ARHGEF26: variants seen among roughly 807,000 people sequenced by gnomAD.
ARHGEF26 encodes the protein Rho guanine nucleotide exchange factor (GEF) 26.
A neutral mutation model predicts 89.4 loss-of-function variants in ARHGEF26; 59 were observed. The ratio of observed to expected loss-of-function variants is 0.66; its 90% confidence interval spans 0.54 to 0.82. ARHGEF26 has a LOEUF of 0.82. Among genes scored for constraint, ARHGEF26 ranks in the 40% least tolerant of loss-of-function variants. The probability of loss-of-function intolerance (pLI) is 0.00; values close to 1 mark genes in which losing one functional copy is unlikely to be tolerated. For synonymous variants in ARHGEF26, 500 were observed against 428.4 expected (o/e 1.17, Z -2.06); for missense variants, 1,234 against 1,085.6 (o/e 1.14, Z -1.92).
rs1478515523 is a variant in ARHGEF26 at position 154,194,648 on chromosome 3, T to C, written c.1775T>C (p.Ile592Thr). Residue 592 changes from isoleucine (I) to threonine (T), a missense_variant, in exon 9 of 15, where the codon ATC becomes ACC. Ile to Thr is a moderately conservative substitution (Grantham distance 89, BLOSUM62 -1). Transcript: ENST00000465093. ...VTRLPLLMDTICQKTPKDSPK... is the reference protein window; with the variant it reads ...VTRLPLLMDTTCQKTPKDSPK... ...TTCACTTTTATTTCATTACAGACTA[T>C]CTGTCAAAAAACACCTAAGGACTCT... 5.0e-6 allele frequency: 8 copies of C among 1,609,862 alleles called. No individual in the cohort carries two copies. Among genetic ancestry groups the C allele is most frequent in the South Asian group, 2.2e-5 (2 of 90,034 alleles).
rs1559906780 is a variant in ARHGEF26, at chr3:154,217,861, G to GT, written c.1846-6dup. The GT allele has an allele frequency of 4.4e-6, 7 of 1,587,976 alleles. No individual in the cohort carries two copies. In the South Asian group the frequency reaches 8.1e-5, roughly 18 times the overall value. Reference sequence around the variant, plus strand: ...CCTTTAACCCTCGTTACTCTTCTGTGTTCCCAGTTGGTTCGACTATGCAAT... The same window carrying GT: ...CCTTTAACCCTCGTTACTCTTCTGTGTTTCCCAGTTGGTTCGACTATGCAAT... On this transcript the variant is annotated splice_region_variant and splice_polypyrimidine_tract_variant and intron_variant, in intron 9 of 14. Coordinates refer to ENST00000465093, the MANE Select transcript of ARHGEF26 (RefSeq NM_015595.4).
intron 11 of ARHGEF26, among the ~76,000 whole-genome samples, chr3:154,228,436 C>CTTTTTTTTTTTTTTTTTTTTT (rs71744878): frequency 7.1e-6 from 1 of 141,546 alleles, no homozygotes. Context: ...CGCACCTGGC[C>CTTTTTTTTTTTTTTTTTTTTT]TTTTTTTTTT....
Position 154,152,811 on chromosome 3 carries a change from C to T in ARHGEF26, c.1366C>T (p.Leu456Phe). The T allele has an allele frequency of 1.3e-6, 2 of 1,560,660 alleles. No individual in the cohort carries two copies. Among genetic ancestry groups the T allele is most frequent in the Non-Finnish European group, 8.7e-7 (1 of 1,151,400 alleles). The change falls in exon 6 of 15, where the codon CTC becomes TTC. Residue 456 changes from leucine (L) to phenylalanine (F), a missense_variant. Leu to Phe is a conservative substitution (Grantham distance 22). Transcript: ENST00000465093. ...CATATCCTCTGAACATTCATATTTACTCAGCTTGGAGATCTTGATACGAAT... is the reference window on the plus strand; with the variant it reads ...CATATCCTCTGAACATTCATATTTATTCAGCTTGGAGATCTTGATACGAAT... ...EVISSEHSYLLSLEILIRMFK... is the reference protein window; with the variant it reads ...EVISSEHSYLFSLEILIRMFK...
Position 154,187,771 on chromosome 3 carries a change from C to A in ARHGEF26, c.1574C>A (p.Thr525Lys). The A allele has an allele frequency of 6.2e-7, 1 of 1,612,082 alleles. No individual in the cohort carries two copies. Residue 525 changes from threonine (T) to lysine (K), a missense_variant, in exon 7 of 15, where the codon ACA becomes AAA. Coordinates refer to ENST00000465093, the MANE Select transcript of ARHGEF26 (RefSeq NM_015595.4). The part of the protein sequence containing the change: ...SDIVEKHTAS[T>K]FDPYVKYCTN... The stretch of plus-strand genomic sequence containing the variant: ...ATTGTGGAAAAACACACAGCATCCA[C>A]ATTTGACCCATATGTGAAATACTGC...
intron 9 of ARHGEF26, among the ~76,000 whole-genome samples, chr3:154,206,959 A>G (rs1335959329): frequency 6.6e-6 from 1 of 152,166 alleles, no homozygotes; most frequent in Non-Finnish European, 1.5e-5. Context: ...ATAAGACCAT[A>G]CACCTACAAT....
At chr3:154,212,523 C>T (rs1436029268) in intron 9 of ARHGEF26, among the ~76,000 whole-genome samples, 1 of 146,628 alleles carries the variant, frequency 6.8e-6, no homozygotes, top group African/African-American at 2.5e-5. Context: ...TGTAAAGGAA[C>T]ACTTAAAAGT....
intron 12 of ARHGEF26, among the ~76,000 whole-genome samples, chr3:154,245,646 C>T (rs1476284548): frequency 6.6e-6 from 1 of 152,214 alleles, no homozygotes; most frequent in Admixed American, 6.5e-5. Flanking sequence ...CTGTGTGTGC[C>T]ACTCATTAGT....
In ARHGEF26 at chr3:154,153,808, A is replaced by G. The variant is rs1306902235; in HGVS notation, c.1487+876A>G. ...ATATATATTTTTCTTGTTTTTACTT[A>G]AATGTTACCATACTATAAACACTGT... On this transcript the variant is annotated intron_variant, in intron 6 of 14. Coordinates refer to ENST00000465093, the MANE Select transcript of ARHGEF26 (RefSeq NM_015595.4). 2.0e-5 allele frequency among the ~76,000 whole-genome samples: 3 copies of G among 152,096 alleles called. No individual in the cohort carries two copies. The East Asian group carries it at 5.8e-4, about 29-fold the overall frequency.
Position 154,129,683 on chromosome 3 carries a change from T to C in ARHGEF26, c.1233T>C (p.His411=), listed in dbSNP as rs1164775418. 6.2e-7 allele frequency: 1 copy of C among 1,612,622 alleles called. No homozygotes were observed. The highest frequency in any genetic ancestry group is 8.5e-7 in the Non-Finnish European group (1 of 1,179,318). The change falls in exon 4 of 15, where the codon CAT becomes CAC. Residue 411 remains histidine (H), a synonymous_variant. Coordinates refer to ENST00000465093, the MANE Select transcript of ARHGEF26 (RefSeq NM_015595.4). ...QKSDEKIVIH[H]KPLRSTWSQL... Reference sequence around the variant, plus strand: ...CAGATGAAAAAATTGTGATTCACCATAAGCCATTGAGATCCACATGGAGCC... The same window carrying C: ...CAGATGAAAAAATTGTGATTCACCACAAGCCATTGAGATCCACATGGAGCC...
chr3:154,164,205 G>T (rs1452633422), intron 6 of ARHGEF26, among the ~76,000 whole-genome samples: 3 of 151,852 alleles, frequency 2.0e-5, no homozygotes. Context: ...TAATTTTTTA[G>T]AGTATCAACT....
In ARHGEF26 at chr3:154,228,881, C is replaced by T. The variant is rs140472384; in HGVS notation, c.2090+2871C>T. Among the ~76,000 whole-genome samples, 1,040 of 152,324 alleles carry T rather than the reference C, an allele frequency of 6.8e-3. 10 individuals are homozygous for T. The highest frequency in any genetic ancestry group is 0.024 in the African/African-American group (984 of 41,580). ...AGCGCTTGAGGACTGATCTAGCCAC[C>T]CACTGCCTAATTCTAATTCCAGGTT... is the stretch of plus-strand genomic sequence containing the variant. On this transcript the variant is annotated intron_variant, in intron 11 of 14. Coordinates refer to ENST00000465093, the MANE Select transcript of ARHGEF26 (RefSeq NM_015595.4).
chr3:154,252,890 A>G (rs955530767), intron 12 of ARHGEF26, among the ~76,000 whole-genome samples: 1 of 147,438 alleles, frequency 6.8e-6, no homozygotes, highest in Non-Finnish European at 1.5e-5. Context: ...CTTTTAATCA[A>G]TAATGAGCCA....
intron 4 of ARHGEF26, among the ~76,000 whole-genome samples, chr3:154,142,194 G>A (rs1011376663): frequency 3.3e-5 from 5 of 151,894 alleles, no homozygotes; most frequent in African/African-American, 1.2e-4. Context: ...TAATGAAGGT[G>A]TAAATTGCTT....
At chr3:154,128,277 G>T (rs1302909950) in intron 3 of ARHGEF26, among the ~76,000 whole-genome samples, 1 of 151,980 alleles carries the variant, frequency 6.6e-6, no homozygotes, top group Non-Finnish European at 1.5e-5. Context: ...TTGAGATGGG[G>T]TCCAGTCTGG....
At chr3:154,130,383 C>T (rs1473290161) in intron 4 of ARHGEF26, among the ~76,000 whole-genome samples, 5 of 152,050 alleles carry the variant, frequency 3.3e-5, no homozygotes, top group Non-Finnish European at 4.4e-5. Flanking sequence ...TCTAGTGATC[C>T]GCCTGCCTCA....
chr3:154,194,693 A>G lies in ARHGEF26; in HGVS notation c.1820A>G (p.Lys607Arg), dbSNP rs778320272. 15 of 1,612,822 alleles carry G rather than the reference A, an allele frequency of 9.3e-6. No individual in the cohort carries two copies. In the African/African-American group the frequency reaches 1.2e-4, roughly 13 times the overall value. ...GACTCTCCGAAGTATGAAGTCTGCA[A>G]AAGAGCCTTGAAGGAAGTTAGCAAG... ...PKDSPKYEVC[K>R]RALKEVSKLV... is the part of the protein sequence containing the mutation. The change falls in exon 9 of 15, where the codon AAA becomes AGA. Residue 607 changes from lysine to arginine, a missense_variant. Transcript: ENST00000465093.
At chr3:154,252,235 C>G (rs1304383904) in intron 12 of ARHGEF26, among the ~76,000 whole-genome samples, 3 of 152,144 alleles carry the variant, frequency 2.0e-5, no homozygotes, top group Non-Finnish European at 2.9e-5. Flanking sequence ...TTGCTTGCCT[C>G]TGAACTTCTG....
intron 9 of ARHGEF26, among the ~76,000 whole-genome samples, chr3:154,210,636 G>C (rs908280573): frequency 1.3e-5 from 2 of 151,628 alleles, no homozygotes; most frequent in African/African-American, 4.8e-5. Context: ...TTGGCGCCAG[G>C]GTATGTCTAC....
At chr3:154,216,484 TTTTTTTTA>T (rs1285481136) in intron 9 of ARHGEF26, among the ~76,000 whole-genome samples, 3,675 of 37,754 alleles carry the variant, frequency 0.097, 68 homozygotes, top group Middle Eastern at 0.28. Context: ...ACTTGTTTTT[TTTTTTTTA>T]TTTTTTTTTA....
Sources: gnomAD v4.1 joint callset for allele counts (sites outside exome capture counted in the v4.1 genomes callset) on GRCh38, gnomAD v4.1.1 for gene constraint, MANE v1.5 for transcripts, NCBI Gene and HGNC (gene_info 2026-07-23, HGNC 2026-07-21) for gene names.